ELMO1: variants seen among roughly 807,000 people sequenced by gnomAD.
ELMO1 encodes the protein engulfment and cell motility 1, also known as engulfment and cell motility protein 1.
Under a neutral mutation model 98.9 loss-of-function variants are expected in ELMO1, and 26 were observed. That is an observed-to-expected ratio of 0.26 (90% confidence interval 0.19 to 0.36). The LOEUF is 0.36. Among genes scored for constraint, ELMO1 ranks in the 10% least tolerant of loss-of-function variants. The pLI is 1.00. For missense variants in ELMO1, 627 were observed against 935.2 expected (o/e 0.67, Z 4.30); for synonymous variants, 346 against 346.0 (o/e 1.00, Z 0.00).
chr7:37,148,130 T>G (rs1788118305), intron 13 of ELMO1, among the ~76,000 whole-genome samples: 1 of 152,186 alleles, frequency 6.6e-6, no homozygotes, highest in Non-Finnish European at 1.5e-5. Flanking sequence ...GAGTTCCTTC[T>G]TCTCATCACA....
intron 1 of ELMO1, among the ~76,000 whole-genome samples, chr7:37,399,858 CCTT>C (rs1423427341): frequency 5.3e-5 from 8 of 152,306 alleles, no homozygotes; most frequent in African/African-American, 1.9e-4. Context: ...GCATAAACCT[CCTT>C]CTCCCAGGAT....
At chr7:37,194,714 GTCCAAATGC>G (rs1364557205) in intron 13 of ELMO1, among the ~76,000 whole-genome samples, 1 of 152,094 alleles carries the variant, frequency 6.6e-6, no homozygotes, top group Non-Finnish European at 1.5e-5. Flanking sequence ...GCTCACTCAT[GTCCAAATGC>G]TCCCTATTCT....
chr7:37,401,647 A>G (rs1803536315), intron 1 of ELMO1, among the ~76,000 whole-genome samples: 1 of 152,194 alleles, frequency 6.6e-6, no homozygotes, highest in Admixed American at 6.5e-5. Context: ...ATTCAGGCAA[A>G]AGCAGGGGAG....
chr7:37,190,840 A>G (rs987738424), intron 13 of ELMO1, among the ~76,000 whole-genome samples: 6 of 152,156 alleles, frequency 3.9e-5, no homozygotes, highest in Non-Finnish European at 5.9e-5. Flanking sequence ...AAAAATTTCA[A>G]AAACCTATAT....
intron 6 of ELMO1, among the ~76,000 whole-genome samples, chr7:37,250,525 A>T (rs969333174): frequency 6.6e-6 from 1 of 152,156 alleles, no homozygotes; most frequent in Non-Finnish European, 1.5e-5. Flanking sequence ...AAGTTAATTT[A>T]AAAAAACTTT....
At chr7:37,001,490 T>A (rs1003008820) in intron 16 of ELMO1, among the ~76,000 whole-genome samples, 1 of 152,222 alleles carries the variant, frequency 6.6e-6, no homozygotes, top group African/African-American at 2.4e-5. Flanking sequence ...TTGAAATATA[T>A]GATTTATTTG....
intron 16 of ELMO1, among the ~76,000 whole-genome samples, chr7:36,934,348 C>T (rs1157698423): frequency 6.6e-6 from 1 of 152,222 alleles, no homozygotes; most frequent in African/African-American, 2.4e-5. Flanking sequence ...GGGCTGACAA[C>T]ATCTGCCTTT....
At chr7:37,445,267 T>C (rs10238654) in intron 1 of ELMO1, among the ~76,000 whole-genome samples, 57,922 of 152,120 alleles carry the variant, frequency 0.38, 11,237 homozygotes, top group Admixed American at 0.44. Flanking sequence ...CTCCAGGCTT[T>C]GTGATGCAGA....
intron 15 of ELMO1, among the ~76,000 whole-genome samples, chr7:37,086,330 C>CTGTGTGTGTGTG (rs58906590): frequency 1.6e-3 from 222 of 143,178 alleles, no homozygotes; most frequent in African/African-American, 4.8e-3. Context: ...CAATACATGA[C>CTGTGTGTGTGTG]TGTGTGTGTG....
At chr7:37,028,520 A>G (rs1292957820) in intron 15 of ELMO1, among the ~76,000 whole-genome samples, 1 of 152,156 alleles carries the variant, frequency 6.6e-6, no homozygotes, top group African/African-American at 2.4e-5. Flanking sequence ...AGAAAAGTAG[A>G]CAATTCACAG....
At chr7:37,394,844 A>G (rs1803224713) in intron 1 of ELMO1, among the ~76,000 whole-genome samples, 1 of 152,156 alleles carries the variant, frequency 6.6e-6, no homozygotes, top group Non-Finnish European at 1.5e-5. Context: ...CAGACACGAG[A>G]ACAATTTCCC....
chr7:36,994,976 A>G (rs1302387823), intron 16 of ELMO1, among the ~76,000 whole-genome samples: 2 of 152,182 alleles, frequency 1.3e-5, no homozygotes, highest in East Asian at 3.9e-4. Flanking sequence ...CAAGATAAAG[A>G]AATTCCTCCT....
chr7:37,167,065 T>A (rs943771846), intron 13 of ELMO1, among the ~76,000 whole-genome samples: 2 of 152,202 alleles, frequency 1.3e-5, no homozygotes, highest in African/African-American at 4.8e-5. Flanking sequence ...GCTCTTCTTG[T>A]TGAATTGATC....
At chr7:37,228,502 G>A (rs997018200) in intron 8 of ELMO1, among the ~76,000 whole-genome samples, 8 of 152,142 alleles carry the variant, frequency 5.3e-5, no homozygotes, top group African/African-American at 1.9e-4. Flanking sequence ...TAAGGAAGAA[G>A]CAAGAGGAGT....
intron 15 of ELMO1, 69 bp from the exon 16 acceptor site, chr7:37,013,504 G>C (rs1266521486): frequency 6.5e-7 from 1 of 1,541,942 alleles, no homozygotes; most frequent in African/African-American, 1.4e-5. Flanking sequence ...ATAACCACAG[G>C]TATGTGCCCC....
In ELMO1 at chr7:37,013,219, C is replaced by G. The variant is rs531726998; in HGVS notation, c.1437+80G>C. The G allele has an allele frequency of 2.6e-6, 4 of 1,540,974 alleles. No individual in the cohort carries two copies. In the African/African-American group the frequency reaches 5.5e-5, roughly 21 times the overall value. On this transcript the variant is annotated intron_variant, in intron 16 of 21. Coordinates refer to ENST00000310758, the MANE Select transcript of ELMO1 (RefSeq NM_014800.11). ...ATTTCCCCACCTTGCCAATTGCCTT[C>G]TGCACACAGCCAAGGGACCATGCAG...
At chr7:37,435,683 C>T (rs547144060) in intron 1 of ELMO1, among the ~76,000 whole-genome samples, 2 of 152,244 alleles carry the variant, frequency 1.3e-5, no homozygotes, top group Non-Finnish European at 2.9e-5. Context: ...CACACTTGCA[C>T]ATGCTAGAAT....
At chr7:37,165,483 T>C (rs1789604553) in intron 13 of ELMO1, among the ~76,000 whole-genome samples, 1 of 152,168 alleles carries the variant, frequency 6.6e-6, no homozygotes, top group South Asian at 2.1e-4. Context: ...TTGTCATAAA[T>C]AGCTCTTATT....
chr7:36,878,227 T>A, intron 18 of ELMO1, 110 bp from the exon 19 acceptor site: 1 of 803,268 alleles, frequency 1.2e-6, no homozygotes, highest in Non-Finnish European at 2.0e-6. Flanking sequence ...TTCATTTGAT[T>A]TTAAGTCTTG....
Sources: gnomAD v4.1 joint callset for allele counts (sites outside exome capture counted in the v4.1 genomes callset) on GRCh38, gnomAD v4.1.1 for gene constraint, MANE v1.5 for transcripts, NCBI Gene and HGNC (gene_info 2026-07-23, HGNC 2026-07-21) for gene names.